Variants in INPP4B observed in about 807,000 individuals in gnomAD.
INPP4B encodes inositol polyphosphate 4-phosphatase type II.
A neutral mutation model predicts 122.5 loss-of-function variants in INPP4B; 55 were observed. The ratio of observed to expected loss-of-function variants is 0.45; its 90% CI spans 0.36 to 0.56. The LOEUF (loss-of-function observed/expected upper bound fraction) is 0.56, where lower values mean the gene tolerates loss of function less well. Ranked by LOEUF, INPP4B falls within the 20% of genes least tolerant of loss-of-function variation. The probability of loss-of-function intolerance (pLI) is 0.00; values close to 1 mark genes in which losing one functional copy is unlikely to be tolerated. For missense variants in INPP4B, 1,000 were observed against 1,097.7 expected, an observed-to-expected ratio of 0.91 and a Z score of 1.26; for synonymous variants, 403 against 388.7, an observed-to-expected ratio of 1.04 and a Z score of -0.43.
At chr4:142,567,273 T>C (rs1206982015) in intron 2 of INPP4B, among the ~76,000 whole-genome samples, 1 of 152,084 alleles carries the variant, frequency 6.6e-6, no homozygotes, top group Non-Finnish European at 1.5e-5. Flanking sequence ...GCAACACAAC[T>C]GAGGTCAGGT....
intron 2 of INPP4B, among the ~76,000 whole-genome samples, chr4:142,722,032 C>G (rs768788788): frequency 3.6e-4 from 55 of 151,938 alleles, no homozygotes; most frequent in Non-Finnish European, 6.0e-4. Context: ...GCAGAAAGAT[C>G]TTTTTTACAA....
intron 1 of INPP4B, among the ~76,000 whole-genome samples, chr4:142,803,324 T>A (rs1171411391): frequency 3.3e-5 from 5 of 152,068 alleles, no homozygotes; most frequent in Non-Finnish European, 7.4e-5. Context: ...AAGAATATAT[T>A]CATTTAATAA....
intron 2 of INPP4B, among the ~76,000 whole-genome samples, chr4:142,469,876 C>T (rs1225710175): frequency 2.0e-5 from 3 of 151,822 alleles, no homozygotes; most frequent in Admixed American, 6.6e-5. Flanking sequence ...AACCTAAACC[C>T]AATGTATAAT....
Position 142,427,507 on chromosome 4 carries a change from A to T in INPP4B, c.136+1666T>A, listed in dbSNP as rs565558974. On this transcript the variant is annotated intron_variant, in intron 5 of 25. Transcript: ENST00000262992. ...AAATATAAGTGATGATGGTGTTGTT[A>T]CTGAAATTTACTTGGCTTTCTAAAC... 30 of 650,730 alleles carry T rather than the reference A, an allele frequency of 4.6e-5. No homozygotes were observed. The South Asian group carries it at 5.3e-4, about 11-fold the overall frequency. 40.3% of individuals were successfully genotyped at this position (650,730 alleles called of 1,614,324 possible). A position where few individuals can be genotyped will look rare whatever the true frequency, so the allele number is the denominator to read the frequency against.
At chr4:142,363,958 G>A (rs1315727079) in intron 7 of INPP4B, among the ~76,000 whole-genome samples, 1 of 151,988 alleles carries the variant, frequency 6.6e-6, no homozygotes, top group Admixed American at 6.6e-5. Context: ...TCCCATCCTT[G>A]GGCTTGTTCC....
chr4:142,582,575 C>G (rs568000977), intron 2 of INPP4B, among the ~76,000 whole-genome samples: 2 of 152,248 alleles, frequency 1.3e-5, no homozygotes, highest in African/African-American at 4.8e-5. Flanking sequence ...GGGGATGGTG[C>G]TAGCTATGAA....
chr4:142,060,364 G>A (rs1759962583), intron 25 of INPP4B, among the ~76,000 whole-genome samples: 1 of 152,060 alleles, frequency 6.6e-6, no homozygotes, highest in Admixed American at 6.6e-5. Context: ...ATATTTCATT[G>A]TACAGTATCA....
intron 23 of INPP4B, among the ~76,000 whole-genome samples, chr4:142,103,830 G>T (rs1003555552): frequency 4.6e-5 from 7 of 151,236 alleles, no homozygotes; most frequent in East Asian, 1.9e-4. Flanking sequence ...CACACACACA[G>T]ACACACACAC....
At chr4:142,331,243 C>T (rs1427061928) in intron 7 of INPP4B, among the ~76,000 whole-genome samples, 1 of 152,182 alleles carries the variant, frequency 6.6e-6, no homozygotes, top group African/African-American at 2.4e-5. Flanking sequence ...AACACTCCCA[C>T]CTGGCCCATT....
intron 1 of INPP4B, among the ~76,000 whole-genome samples, chr4:142,760,889 T>C (rs371256874): frequency 1.3e-5 from 2 of 152,156 alleles, no homozygotes; most frequent in Non-Finnish European, 2.9e-5. Flanking sequence ...TGACAAGTTA[T>C]TACCTTCAAG....
At chr4:142,777,845 T>C (rs1774172440) in intron 1 of INPP4B, among the ~76,000 whole-genome samples, 1 of 152,178 alleles carries the variant, frequency 6.6e-6, no homozygotes, top group Non-Finnish European at 1.5e-5. Flanking sequence ...TCACAGTGTG[T>C]CTTTAGAGAT....
chr4:142,452,338 G>A (rs1814473945), intron 3 of INPP4B, among the ~76,000 whole-genome samples: 1 of 152,160 alleles, frequency 6.6e-6, no homozygotes, highest in Non-Finnish European at 1.5e-5. Context: ...GGAAGCACAT[G>A]GACCCACTTT....
intron 7 of INPP4B, among the ~76,000 whole-genome samples, chr4:142,345,303 G>A (rs1275365982): frequency 6.6e-6 from 1 of 151,902 alleles, no homozygotes. Flanking sequence ...CAGATTTCTA[G>A]AAAGAGAAGG....
chr4:142,218,618 A>G (rs1848239791), intron 12 of INPP4B, among the ~76,000 whole-genome samples: 1 of 152,196 alleles, frequency 6.6e-6, no homozygotes, highest in African/African-American at 2.4e-5. Flanking sequence ...AAGTAAATAG[A>G]AATATTTTTC....
chr4:142,781,339 T>C (rs1580899429), intron 1 of INPP4B, among the ~76,000 whole-genome samples: 1 of 152,136 alleles, frequency 6.6e-6, no homozygotes, highest in South Asian at 2.1e-4. Context: ...CCTATTTCCA[T>C]AGGGAGGGCT....
intron 3 of INPP4B, among the ~76,000 whole-genome samples, chr4:142,455,281 G>A (rs932096776): frequency 2.0e-5 from 3 of 151,436 alleles, no homozygotes; most frequent in Admixed American, 6.6e-5. Flanking sequence ...AATTATTTTC[G>A]TACACATTAA....
chr4:142,842,685 T>TTAATA (rs1261676717), intron 1 of INPP4B, among the ~76,000 whole-genome samples: 1 of 131,298 alleles, frequency 7.6e-6, no homozygotes, highest in Non-Finnish European at 1.6e-5. Context: ...TATTAATATA[T>TTAATA]TAATATAATA....
intron 11 of INPP4B, among the ~76,000 whole-genome samples, chr4:142,240,689 C>T (rs913587363): frequency 7.2e-5 from 11 of 152,116 alleles, no homozygotes; most frequent in African/African-American, 2.2e-4. Flanking sequence ...ATCTACTTTG[C>T]AACCCAGTTT....
At position 142,443,732 on chromosome 4, in the gene INPP4B, T is replaced by C. The variant is rs186388179; in HGVS notation, c.-126-12347A>G. Among the ~76,000 whole-genome samples, 12 of 151,820 alleles carry C rather than the reference T, an allele frequency of 7.9e-5. No homozygotes were observed. The East Asian group carries it at 1.8e-3, about 22-fold the overall frequency. ...CTCAGGTAGAAACTTCCAAGAAAGC[T>C]TAAAGTAGAGAGTGGAGAGTGGAGA... On this transcript the variant is annotated intron_variant, in intron 3 of 25. Coordinates refer to ENST00000262992, the MANE Select transcript of INPP4B (RefSeq NM_001101669.3).
Sources: allele counts gnomAD v4.1 joint callset (sites outside exome capture counted in the v4.1 genomes callset), GRCh38; gene constraint gnomAD v4.1.1; transcripts MANE v1.5; gene names NCBI Gene and HGNC (gene_info 2026-07-23, HGNC 2026-07-21).